The following CYB5B variants were observed in gnomAD, a reference collection of about 807,000 sequenced individuals.
CYB5B encodes cytochrome b5 type B.
A neutral mutation model predicts 21.3 loss-of-function variants in CYB5B; 14 were observed. The observed-to-expected ratio is 0.66, with a 90% CI of 0.43 to 1.03. The LOEUF is 1.03. CYB5B is among the 50% of genes least tolerant of loss of function. The probability of loss-of-function intolerance (pLI) is 0.00; values close to 1 mark genes in which losing one functional copy is unlikely to be tolerated. For missense variants in CYB5B, 166 were observed against 185.1 expected, an observed-to-expected ratio of 0.90 and a Z score of 0.60; for synonymous variants, 69 against 68.4, an observed-to-expected ratio of 1.01 and a Z score of -0.04.
At chr16:69,445,971 T>C (rs999134468) in intron 1 of CYB5B, among the ~76,000 whole-genome samples, 1 of 152,056 alleles carries the variant, frequency 6.6e-6, no homozygotes, top group Non-Finnish European at 1.5e-5. Flanking sequence ...AAAAAAAATT[T>C]TTTTTCAGAA....
chr16:69,459,049 CT>C (rs774036603), intron 3 of CYB5B, 43 bp from the exon 4 acceptor site: 33 of 1,530,356 alleles, frequency 2.2e-5, no homozygotes, highest in Non-Finnish European at 2.6e-5. Flanking sequence ...AATCTTCTTT[CT>C]TTTTGTTTGT....
intron 2 of CYB5B, among the ~76,000 whole-genome samples, chr16:69,447,605 T>C (rs1318614446): frequency 7.0e-6 from 1 of 142,558 alleles, no homozygotes; most frequent in Non-Finnish European, 1.5e-5. Flanking sequence ...ATTGCACCAC[T>C]GCACTCCAGC....
intron 1 of CYB5B, among the ~76,000 whole-genome samples, chr16:69,425,848 G>A (rs979541335): frequency 2.0e-5 from 3 of 152,102 alleles, no homozygotes; most frequent in Non-Finnish European, 2.9e-5. Flanking sequence ...TTTATTTTGA[G>A]CAATAGATTA....
chr16:69,441,401 G>A (rs187146662), intron 1 of CYB5B, among the ~76,000 whole-genome samples: 4 of 152,158 alleles, frequency 2.6e-5, no homozygotes, highest in South Asian at 2.1e-4. Flanking sequence ...TGATCCGCCC[G>A]CCTCAGCCTC....
At chr16:69,452,289 G>A (rs1202221866) in intron 3 of CYB5B, among the ~76,000 whole-genome samples, 1 of 137,858 alleles carries the variant, frequency 7.3e-6, no homozygotes, top group African/African-American at 2.8e-5. Context: ...ACTCCAGCCT[G>A]GGCGACAGAG....
rs2015046385 is a variant in CYB5B at position 69,462,599 on chromosome 16, C to T, written c.*79C>T. On this transcript the variant is annotated 3_prime_UTR_variant, in exon 5 of 5. Coordinates refer to ENST00000307892, the MANE Select transcript of CYB5B (RefSeq NM_030579.3). ...CTTGCTTGGGGGCTGCAGAAGTGCC[C>T]TCTCCTCGAATCCTGCCAGTTGCAT... 8.4e-7 allele frequency: 1 copy of T among 1,183,970 alleles called. No homozygotes were observed. The allele number at this position is 1,183,970 out of a possible 1,614,324, so 73.3% of individuals were successfully genotyped here.
At chr16:69,451,749 A>G in intron 3 of CYB5B, among the ~76,000 whole-genome samples, 1 of 151,530 alleles carries the variant, frequency 6.6e-6, no homozygotes, top group African/African-American at 2.4e-5. Context: ...CAGGAGATAG[A>G]GCCCATCCTG....
chr16:69,425,243 C>T (rs1597277352), intron 1 of CYB5B, among the ~76,000 whole-genome samples: 1 of 152,202 alleles, frequency 6.6e-6, no homozygotes, highest in East Asian at 1.9e-4. Flanking sequence ...GCACCCACAT[C>T]TGTGCTTTTC....
chr16:69,439,792 C>T (rs1239636806), intron 1 of CYB5B, among the ~76,000 whole-genome samples: 1 of 152,008 alleles, frequency 6.6e-6, no homozygotes, highest in African/African-American at 2.4e-5. Flanking sequence ...GGGTCAAATT[C>T]CCAACCTCAA....
chr16:69,453,910 T>C (rs910715587), intron 3 of CYB5B, among the ~76,000 whole-genome samples: 1 of 152,194 alleles, frequency 6.6e-6, no homozygotes, highest in Non-Finnish European at 1.5e-5. Flanking sequence ...ACATAATCTT[T>C]TGAAAGAAAG....
chr16:69,433,323 T>A (rs59228983), intron 1 of CYB5B, among the ~76,000 whole-genome samples: 41,760 of 152,140 alleles, frequency 0.27, 7,448 homozygotes, highest in African/African-American at 0.52. Flanking sequence ...AAAAGCCACC[T>A]TCCCCTCTGC....
chr16:69,461,412 T>A (rs1344594234), intron 4 of CYB5B, among the ~76,000 whole-genome samples: 1 of 152,226 alleles, frequency 6.6e-6, no homozygotes, highest in Non-Finnish European at 1.5e-5. Context: ...ACCTGGCTGA[T>A]ATTCTAAACT....
chr16:69,431,180 G>A (rs903032741), intron 1 of CYB5B, among the ~76,000 whole-genome samples: 1 of 150,814 alleles, frequency 6.6e-6, no homozygotes, highest in Non-Finnish European at 1.5e-5. Flanking sequence ...TATGAGATGG[G>A]GTTTCACCAT....
At chr16:69,434,067 C>T (rs373673272) in intron 1 of CYB5B, among the ~76,000 whole-genome samples, 2 of 152,306 alleles carry the variant, frequency 1.3e-5, no homozygotes, top group East Asian at 3.9e-4. Context: ...TATTATGTGG[C>T]ACATAACTGT....
Position 69,433,093 on chromosome 16 carries a change from C to T in CYB5B, c.174+8236C>T, listed in dbSNP as rs139622036. Among the ~76,000 whole-genome samples the T allele has an allele frequency of 6.0e-4, 92 of 152,276 alleles. No homozygotes were observed. The Middle Eastern group carries it at 0.014, about 23-fold the overall frequency. Reference sequence around the variant, plus strand: ...GATTACAGGCCTGAGCCACCATGCCCGGCCTGTGGCCTGTACTCTTAACCG... The same window carrying T: ...GATTACAGGCCTGAGCCACCATGCCTGGCCTGTGGCCTGTACTCTTAACCG... On this transcript the variant is annotated intron_variant, in intron 1 of 4. Transcript: ENST00000307892.
At position 69,459,114 on chromosome 16, in the gene CYB5B, T is replaced by G. The variant is rs186987006; in HGVS notation, c.355T>G (p.Cys119Gly). The G allele has an allele frequency of 6.2e-7, 1 of 1,605,098 alleles. No individual in the cohort carries two copies. Among genetic ancestry groups the G allele is most frequent in the Admixed American group, 1.7e-5 (1 of 58,580 alleles). ...GSKDPSKNDT[C>G]KSCWAYWILP... ...TCAGGACCCTTCAAAAAATGATACA[T>G]GCAAAAGGTTAGTATCTCCTTAACA... The change falls in exon 4 of 5, where the codon TGC becomes GGC. Residue 119 changes from cysteine (C) to glycine (G), a missense_variant. By Grantham distance (159) the Cys-to-Gly change is radical. Coordinates refer to ENST00000307892, the MANE Select transcript of CYB5B (RefSeq NM_030579.3).
At chr16:69,462,090 C>T (rs941919002) in intron 4 of CYB5B, among the ~76,000 whole-genome samples, 4 of 151,916 alleles carry the variant, frequency 2.6e-5, no homozygotes, top group African/African-American at 2.4e-5. Context: ...TTGTAGAATA[C>T]GTGAAAAGCA....
chr16:69,457,861 A>T (rs1303344484), intron 3 of CYB5B, among the ~76,000 whole-genome samples: 2 of 152,196 alleles, frequency 1.3e-5, no homozygotes, highest in East Asian at 1.9e-4. Flanking sequence ...AACTCATTTC[A>T]TGGACTGCTC....
intron 4 of CYB5B, among the ~76,000 whole-genome samples, chr16:69,460,061 C>T (rs564558600): frequency 6.6e-6 from 1 of 152,002 alleles, no homozygotes; most frequent in Non-Finnish European, 1.5e-5. Flanking sequence ...CCAGCCTGGA[C>T]AACATGGCGA....
Sources: allele counts gnomAD v4.1 joint callset (sites outside exome capture counted in the v4.1 genomes callset), GRCh38; gene constraint gnomAD v4.1.1; transcripts MANE v1.5; gene names NCBI Gene and HGNC (gene_info 2026-07-23, HGNC 2026-07-21).